The following TRIOBP variants were observed in gnomAD, a reference collection of about 807,000 sequenced individuals.
TRIOBP encodes the protein TRIO and F-actin binding protein.
Under a neutral mutation model 238.8 loss-of-function variants are expected in TRIOBP, and 169 were observed. The ratio of observed to expected loss-of-function variants is 0.71; its 90% CI spans 0.62 to 0.80. TRIOBP has a LOEUF of 0.80. Ranked by LOEUF, TRIOBP falls within the 30% of genes least tolerant of loss-of-function variation. TRIOBP has a pLI of 0.00. For missense variants in TRIOBP, 2,838 were observed against 3,122.6 expected, an observed-to-expected ratio of 0.91 and a Z score of 2.17; for synonymous variants, 1,150 against 1,274.4, an observed-to-expected ratio of 0.90 and a Z score of 2.08.
intron 6 of TRIOBP, among the ~76,000 whole-genome samples, chr22:37,720,948 C>T (rs957203610): frequency 1.3e-5 from 2 of 152,146 alleles, no homozygotes; most frequent in Non-Finnish European, 1.5e-5. Flanking sequence ...ACCTCCACCT[C>T]CCGGGTTCAA....
At chr22:37,744,167 C>G (rs1925100951) in intron 11 of TRIOBP, among the ~76,000 whole-genome samples, 1 of 151,900 alleles carries the variant, frequency 6.6e-6, no homozygotes, top group African/African-American at 2.4e-5. Flanking sequence ...TGCCACCACG[C>G]CCGGCTAATT....
In TRIOBP at chr22:37,707,775, C is replaced by T. The variant is rs1369314533; in HGVS notation, c.115-2652C>T. ...TGGCCAACATGGTGAAACCCCGTCT[C>T]TACTAAAAATACAAAAATTAGCTGG... is the stretch of plus-strand genomic sequence containing the variant. On this transcript the variant is annotated intron_variant, in intron 3 of 23. Coordinates refer to ENST00000644935, the MANE Select transcript of TRIOBP (RefSeq NM_001039141.3). 2.7e-5 allele frequency among the ~76,000 whole-genome samples: 4 copies of T among 150,062 alleles called. No individual in the cohort carries two copies. The East Asian group carries it at 7.8e-4, about 29-fold the overall frequency.
At chr22:37,705,610 C>G (rs1232764779) in intron 3 of TRIOBP, among the ~76,000 whole-genome samples, 1 of 151,870 alleles carries the variant, frequency 6.6e-6, no homozygotes, top group Non-Finnish European at 1.5e-5. Flanking sequence ...GAGTCTCGCT[C>G]TGTCGCACAG....
At chr22:37,756,527 G>A (rs1440699380) in intron 15 of TRIOBP, among the ~76,000 whole-genome samples, 1 of 152,222 alleles carries the variant, frequency 6.6e-6, no homozygotes, top group African/African-American at 2.4e-5. Flanking sequence ...CTGAAGCACT[G>A]TGCAGTTGGA....
chr22:37,750,247 C>T (rs538944993), intron 11 of TRIOBP, among the ~76,000 whole-genome samples: 1 of 152,360 alleles, frequency 6.6e-6, no homozygotes, highest in East Asian at 1.9e-4. Context: ...CTGCCCCAAT[C>T]TCCCAGCCCT....
intron 12 of TRIOBP, 25 bp downstream of exon 12, chr22:37,751,853 A>T: frequency 6.7e-7 from 1 of 1,489,914 alleles, no homozygotes; most frequent in Non-Finnish European, 9.1e-7. Flanking sequence ...GCCGGAGGGG[A>T]GGAAGCTGGC....
At chr22:37,769,482 TC>T in intron 21 of TRIOBP, 107 bp downstream of exon 21, 1 of 1,137,728 alleles carries the variant, frequency 8.8e-7, no homozygotes, top group Non-Finnish European at 1.3e-6. Context: ...AAGCCAAGTC[TC>T]CCAGTGGCTG....
chr22:37,753,114 G>A (rs1925710658), intron 12 of TRIOBP, among the ~76,000 whole-genome samples: 1 of 152,214 alleles, frequency 6.6e-6, no homozygotes, highest in South Asian at 2.1e-4. Flanking sequence ...TACTTAGTGA[G>A]AGGAAAATGC....
chr22:37,755,335 T>C (rs1367596585), intron 14 of TRIOBP, 145 bp downstream of exon 14: 1 of 967,888 alleles, frequency 1.0e-6, no homozygotes, highest in Non-Finnish European at 1.6e-6. Context: ...GAGCCAGAGC[T>C]GTGATGCCAA....
chr22:37,755,233 G>C (rs1244162210), intron 14 of TRIOBP, 43 bp downstream of exon 14: 1 of 1,582,996 alleles, frequency 6.3e-7, no homozygotes, highest in Non-Finnish European at 8.6e-7. Flanking sequence ...GGGCAGCATG[G>C]CTGGAGGTCC....
intron 3 of TRIOBP, among the ~76,000 whole-genome samples, chr22:37,703,661 C>A (rs892208730): frequency 1.3e-5 from 2 of 151,838 alleles, no homozygotes; most frequent in African/African-American, 4.8e-5. Context: ...CCCGGCACCA[C>A]GCCCAGCTAA....
Position 37,772,773 on chromosome 22 carries a change from C to T in TRIOBP, c.*2+9C>T, listed in dbSNP as rs1216649696. The T allele has an allele frequency of 7.4e-6, 12 of 1,611,698 alleles. No homozygotes were observed. Among genetic ancestry groups the T allele is most frequent in the South Asian group, 1.1e-5 (1 of 91,066 alleles). On this transcript the variant is annotated intron_variant, in intron 23 of 23. Transcript: ENST00000644935. ...AGCCTGGCTGAGTAGAGGTGGATGCCGAGGCGTGTGCCCTGCAGGGTGGGC... is the reference window on the plus strand; with the variant it reads ...AGCCTGGCTGAGTAGAGGTGGATGCTGAGGCGTGTGCCCTGCAGGGTGGGC...
At chr22:37,714,682 A>C (rs1044648087) in intron 5 of TRIOBP, among the ~76,000 whole-genome samples, 1 of 151,988 alleles carries the variant, frequency 6.6e-6, no homozygotes, top group Non-Finnish European at 1.5e-5. Flanking sequence ...AAAAAAAAAA[A>C]AGTTGATTGA....
At chr22:37,716,539 C>T (rs1923530033) in intron 6 of TRIOBP, among the ~76,000 whole-genome samples, 1 of 152,202 alleles carries the variant, frequency 6.6e-6, no homozygotes, top group Non-Finnish European at 1.5e-5. Context: ...AAGAGATTCT[C>T]CTGCCTCAGC....
intron 19 of TRIOBP, 147 bp from the exon 20 acceptor site, chr22:37,768,881 C>A: frequency 9.3e-7 from 1 of 1,072,870 alleles, no homozygotes; most frequent in Non-Finnish European, 1.4e-6. Context: ...GAGAAGCTGT[C>A]ACTGGTTCAC....
In TRIOBP at chr22:37,769,051, G is replaced by A. The variant is rs375132932; in HGVS notation, c.6599G>A (p.Arg2200Gln). 28 of 1,613,490 alleles carry A rather than the reference G, an allele frequency of 1.7e-5. No homozygotes were observed. The highest frequency in any genetic ancestry group is 6.7e-5 in the African/African-American group (5 of 75,064). ...QHQSDVEALK[R>Q]ELQVLSEQYS... ...AGGTCAGATGTGGAGGCACTGAAGC[G>A]AGAGCTGCAGGTGCTATCGGAGCAG... The change falls in exon 20 of 24, where the codon CGA becomes CAA. Residue 2200 changes from arginine to glutamine, a missense_variant. Arg to Gln is a conservative substitution (Grantham distance 43). Transcript: ENST00000644935.
intron 3 of TRIOBP, among the ~76,000 whole-genome samples, chr22:37,709,970 T>G (rs887707043): frequency 6.6e-6 from 1 of 152,178 alleles, no homozygotes; most frequent in African/African-American, 2.4e-5. Flanking sequence ...TAATCCTTCC[T>G]CCTCGCCCTT....
At chr22:37,742,103 G>A (rs373074921) in intron 11 of TRIOBP, among the ~76,000 whole-genome samples, 5 of 151,714 alleles carry the variant, frequency 3.3e-5, no homozygotes, top group East Asian at 3.9e-4. Flanking sequence ...AATTATAGGC[G>A]TGCGCCACTG....
At chr22:37,738,903 TG>T (rs1924808168) in intron 10 of TRIOBP, among the ~76,000 whole-genome samples, 184 bp downstream of exon 10, 2 of 152,176 alleles carry the variant, frequency 1.3e-5, no homozygotes, top group East Asian at 1.9e-4. Context: ...CCTTCTGGCT[TG>T]GGGACCTGGG....
Sources: allele counts gnomAD v4.1 joint callset (sites outside exome capture counted in the v4.1 genomes callset), GRCh38; gene constraint gnomAD v4.1.1; transcripts MANE v1.5; gene names NCBI Gene and HGNC (gene_info 2026-07-23, HGNC 2026-07-21).